The following CRISPLD2 variants were observed in gnomAD, a reference collection of about 807,000 sequenced individuals.
CRISPLD2 encodes cysteine-rich secretory protein LCCL domain-containing 2.
Under a neutral mutation model 71.1 loss-of-function variants are expected in CRISPLD2, and 47 were observed. The observed-to-expected ratio is 0.66, with a 90% CI of 0.52 to 0.84. The LOEUF is 0.84. CRISPLD2 is among the 40% of genes least tolerant of loss of function. The pLI is 0.00. For missense variants in CRISPLD2, 830 were observed against 651.1 expected, an observed-to-expected ratio of 1.27 and a Z score of -2.99; for synonymous variants, 317 against 250.1, an observed-to-expected ratio of 1.27 and a Z score of -2.52.
chr16:84,908,930 C>G lies in CRISPLD2; in HGVS notation c.*2288C>G, dbSNP rs1028583257. ...TCTCGAACTCCTTACCTCAGGTGATCCACCCACCTTGGCCTCCCGAAGTGC... is the reference window on the plus strand; with the variant it reads ...TCTCGAACTCCTTACCTCAGGTGATGCACCCACCTTGGCCTCCCGAAGTGC... On this transcript the variant is annotated 3_prime_UTR_variant, in exon 15 of 15. Coordinates refer to ENST00000262424, the MANE Select transcript of CRISPLD2 (RefSeq NM_031476.4). 1 of 151,942 alleles carries G rather than the reference C, an allele frequency of 6.6e-6. No individual in the cohort carries two copies. The highest frequency in any genetic ancestry group is 2.4e-5 in the African/African-American group (1 of 41,322). 9.4% of individuals were successfully genotyped at this position (151,942 alleles called of 1,614,324 possible).
intron 3 of CRISPLD2, among the ~76,000 whole-genome samples, chr16:84,847,431 T>TC: frequency 6.6e-6 from 1 of 152,206 alleles, no homozygotes; most frequent in South Asian, 2.1e-4. Context: ...GTGGGCAGAA[T>TC]ACAAGGTCAG....
intron 14 of CRISPLD2, among the ~76,000 whole-genome samples, chr16:84,904,232 T>C (rs1281055571): frequency 2.0e-5 from 3 of 152,172 alleles, no homozygotes; most frequent in Non-Finnish European, 4.4e-5. Context: ...TGAAACATCC[T>C]ATACAGCGAC....
chr16:84,861,951 T>G (rs1368766465), intron 6 of CRISPLD2, among the ~76,000 whole-genome samples: 1 of 152,068 alleles, frequency 6.6e-6, no homozygotes, highest in Non-Finnish European at 1.5e-5. Flanking sequence ...AACAGACATT[T>G]GAACAAGAAA....
chr16:84,838,052 C>T (rs893414993), intron 1 of CRISPLD2, among the ~76,000 whole-genome samples: 2 of 152,222 alleles, frequency 1.3e-5, no homozygotes, highest in Non-Finnish European at 2.9e-5. Context: ...ATGACTTTAG[C>T]AATCCCCTTG....
At chr16:84,890,512 G>C (rs1208825193) in intron 14 of CRISPLD2, among the ~76,000 whole-genome samples, 2 of 152,200 alleles carry the variant, frequency 1.3e-5, no homozygotes, top group Non-Finnish European at 2.9e-5. Context: ...TCTCTTCGTA[G>C]CTGGTGTGAG....
At chr16:84,867,185 C>A in intron 7 of CRISPLD2, 145 bp downstream of exon 7, 1 of 773,272 alleles carries the variant, frequency 1.3e-6, no homozygotes, top group South Asian at 1.9e-5. Flanking sequence ...CATGGAGGCA[C>A]AACCATAAGA....
At chr16:84,871,537 T>C (rs2071469074) in intron 8 of CRISPLD2, among the ~76,000 whole-genome samples, 1 of 152,074 alleles carries the variant, frequency 6.6e-6, no homozygotes, top group African/African-American at 2.4e-5. Flanking sequence ...AGACTCTTTC[T>C]TGGGGTTTTG....
rs140995897 is a variant in CRISPLD2 at position 84,881,171 on chromosome 16, A to G, written c.1305+587A>G. On this transcript the variant is annotated intron_variant, in intron 13 of 14. Transcript: ENST00000262424. ...GTTTGAAGGCTCTCATGCTTCAGAT[A>G]GTTCATTTTTCCGGCTATTTAGTCA... 4.5e-4 allele frequency among the ~76,000 whole-genome samples: 68 copies of G among 152,310 alleles called. No individual in the cohort carries two copies. In the East Asian group the frequency reaches 0.013, roughly 28 times the overall value.
At chr16:84,830,644 A>G (rs1916465973) in intron 1 of CRISPLD2, among the ~76,000 whole-genome samples, 1 of 152,096 alleles carries the variant, frequency 6.6e-6, no homozygotes, top group Admixed American at 6.6e-5. Context: ...TGGAGGTTGC[A>G]GTGAGCTGAG....
intron 14 of CRISPLD2, among the ~76,000 whole-genome samples, chr16:84,893,991 G>A (rs550811762): frequency 6.6e-6 from 1 of 152,350 alleles, no homozygotes; most frequent in South Asian, 2.1e-4. Flanking sequence ...TACTTTAAAT[G>A]TAGGGAATCC....
At chr16:84,891,580 A>G (rs1212748916) in intron 14 of CRISPLD2, among the ~76,000 whole-genome samples, 1 of 152,238 alleles carries the variant, frequency 6.6e-6, no homozygotes, top group Admixed American at 6.5e-5. Context: ...GCCGGGCTGG[A>G]AAGAAATCCC....
Position 84,873,082 on chromosome 16 carries a change from T to C in CRISPLD2, c.1072T>C (p.Phe358Leu), listed in dbSNP as rs1474338913. The C allele has an allele frequency of 6.2e-7, 1 of 1,613,978 alleles. No homozygotes were observed. Among genetic ancestry groups the C allele is most frequent in the Non-Finnish European group, 8.5e-7 (1 of 1,179,996 alleles). ...VDITRNGKVP[F>L]FVKSERHGVQ... Reference sequence around the variant, plus strand: ...TATCACCAGGAACGGGAAGGTCCCCTTCTTCGTGAAGTCTGAGAGACACGG... The same window carrying C: ...TATCACCAGGAACGGGAAGGTCCCCCTCTTCGTGAAGTCTGAGAGACACGG... Residue 358 changes from phenylalanine (F) to leucine (L), a missense_variant, in exon 10 of 15, where the codon TTC becomes CTC. Physicochemically the swap from Phe to Leu is conservative, Grantham distance 22 (BLOSUM62 0). Transcript: ENST00000262424.
At position 84,850,650 on chromosome 16, in the gene CRISPLD2, A is replaced by C. The variant is rs1157400410; in HGVS notation, c.575A>C (p.Asn192Thr). 7.4e-6 allele frequency: 12 copies of C among 1,614,136 alleles called. No individual in the cohort carries two copies. The highest frequency in any genetic ancestry group is 1.0e-5 in the Non-Finnish European group (12 of 1,179,998). The change falls in exon 5 of 15, where the codon AAC (asparagine) becomes ACC (threonine). Residue 192 changes from asparagine (N) to threonine (T), a missense_variant. Physicochemically the swap from Asn to Thr is moderately conservative, Grantham distance 65. Transcript: ENST00000262424. ...KMTVWGEVWE[N>T]AVYFVCNYSP... Reference sequence around the variant, plus strand: ...ACTGTCTGGGGAGAAGTTTGGGAGAACGCGGTCTACTTTGTCTGCAATTAT... The same window carrying C: ...ACTGTCTGGGGAGAAGTTTGGGAGACCGCGGTCTACTTTGTCTGCAATTAT...
At chr16:84,825,501 G>C (rs12934143) in intron 1 of CRISPLD2, among the ~76,000 whole-genome samples, 3,067 of 152,096 alleles carry the variant, frequency 0.02, 104 homozygotes, top group African/African-American at 0.071. Context: ...TACACCTATA[G>C]TCTCAGCACT....
intron 2 of CRISPLD2, 50 bp downstream of exon 2, chr16:84,838,785 G>A (rs1597450584): frequency 3.2e-6 from 5 of 1,568,476 alleles, no homozygotes; most frequent in Non-Finnish European, 4.3e-6. Context: ...TGGGGCCTGG[G>A]CCACCAGCCT....
chr16:84,838,173 G>A (rs1916672213), intron 1 of CRISPLD2, among the ~76,000 whole-genome samples: 1 of 152,166 alleles, frequency 6.6e-6, no homozygotes, highest in South Asian at 2.1e-4. Context: ...GAAAACTTGA[G>A]TCCAGGAAGA....
At chr16:84,850,181 C>T (rs953504748) in intron 4 of CRISPLD2, among the ~76,000 whole-genome samples, 6 of 151,874 alleles carry the variant, frequency 4.0e-5, no homozygotes, top group African/African-American at 1.5e-4. Context: ...ACCTCTGCCT[C>T]CTGGGTTCAA....
In CRISPLD2 at chr16:84,838,721, A is replaced by G. The variant is rs201061137; in HGVS notation, c.226A>G (p.Asn76Asp). ...GGGCCAGGTGCAGCCTCAGGCCTCC[A>G]ACATGGAGTACATGGTGAGCGCCGG... is the stretch of plus-strand genomic sequence containing the variant. ...LRGQVQPQAS[N>D]MEYMTWDDEL... Residue 76 changes from asparagine (N) to aspartate (D), a missense_variant, in exon 2 of 15, where the codon AAC (asparagine) becomes GAC (aspartate). Transcript: ENST00000262424. 309 of 1,613,452 alleles carry G rather than the reference A, an allele frequency of 1.9e-4. No individual in the cohort carries two copies. The highest frequency in any genetic ancestry group is 2.5e-4 in the Non-Finnish European group (296 of 1,179,962).
chr16:84,880,010 G>T (rs1403513550), intron 12 of CRISPLD2, among the ~76,000 whole-genome samples: 1 of 152,212 alleles, frequency 6.6e-6, no homozygotes. Context: ...CTGACACACA[G>T]TGATCTAACC....
Sources: allele counts gnomAD v4.1 joint callset (sites outside exome capture counted in the v4.1 genomes callset), GRCh38; gene constraint gnomAD v4.1.1; transcripts MANE v1.5; gene names NCBI Gene and HGNC (gene_info 2026-07-23, HGNC 2026-07-21).